RBFOX3: variants seen among roughly 807,000 people sequenced by gnomAD.
RBFOX3 encodes the protein RNA binding fox-1 homolog 3, also known as RNA binding protein fox-1 homolog 3.
RBFOX3 carries 17 observed loss-of-function variants against 48.7 expected under a neutral mutation model. The observed-to-expected ratio is 0.35, with a 90% CI of 0.24 to 0.52. The LOEUF (loss-of-function observed/expected upper bound fraction) is 0.52. Among genes scored for constraint, RBFOX3 ranks in the 20% least tolerant of loss-of-function variants. The pLI is 0.94. For synonymous variants in RBFOX3, 212 were observed against 209.5 expected, an observed-to-expected ratio of 1.01 and a Z score of -0.10; for missense variants, 382 against 497.5, an observed-to-expected ratio of 0.77 and a Z score of 2.21.
chr17:79,593,566 C>A (rs989606942), intron 1 of RBFOX3, among the ~76,000 whole-genome samples: 1 of 152,128 alleles, frequency 6.6e-6, no homozygotes, highest in Non-Finnish European at 1.5e-5. Flanking sequence ...CTGGGAACAC[C>A]GAGGGAGGAA....
intron 2 of RBFOX3, among the ~76,000 whole-genome samples, chr17:79,325,882 GA>G (rs982769268): frequency 6.6e-6 from 1 of 152,186 alleles, no homozygotes; most frequent in African/African-American, 2.4e-5. Flanking sequence ...AGCCTCCTAG[GA>G]AAAACCCACC....
At chr17:79,579,012 C>T (rs1375090750) in intron 1 of RBFOX3, among the ~76,000 whole-genome samples, 1 of 152,230 alleles carries the variant, frequency 6.6e-6, no homozygotes, top group Non-Finnish European at 1.5e-5. Flanking sequence ...GCCCCCTCAA[C>T]GTCCTGAGCA....
At chr17:79,519,329 AG>A (rs2085722666) in intron 1 of RBFOX3, among the ~76,000 whole-genome samples, 2 of 152,248 alleles carry the variant, frequency 1.3e-5, no homozygotes, top group African/African-American at 4.8e-5. Flanking sequence ...GAGACCTGCC[AG>A]TGACGGCAAG....
chr17:79,633,497 G>A, the RBFOX3 span, among the ~76,000 whole-genome samples: 1 of 152,342 alleles, frequency 6.6e-6, no homozygotes, highest in South Asian at 2.1e-4. Context: ...TCTCATGGAT[G>A]CACAGGTGAG....
chr17:79,446,354 G>A (rs1424095244), intron 2 of RBFOX3, among the ~76,000 whole-genome samples: 1 of 152,194 alleles, frequency 6.6e-6, no homozygotes, highest in Non-Finnish European at 1.5e-5. Flanking sequence ...CAGACCCCTG[G>A]TCAGACCTCA....
chr17:79,557,142 G>C (rs1283927371), intron 1 of RBFOX3, among the ~76,000 whole-genome samples: 1 of 151,192 alleles, frequency 6.6e-6, no homozygotes, highest in Non-Finnish European at 1.5e-5. Flanking sequence ...CTACTCGGGA[G>C]GCTGAAGCAG....
At chr17:79,569,252 C>T (rs1359917504) in intron 1 of RBFOX3, among the ~76,000 whole-genome samples, 2 of 152,146 alleles carry the variant, frequency 1.3e-5, no homozygotes, top group African/African-American at 4.8e-5. Flanking sequence ...CCACTCCCCC[C>T]AAGCCCTGGC....
the RBFOX3 span, among the ~76,000 whole-genome samples, chr17:79,645,753 G>A: frequency 1.3e-5 from 2 of 152,318 alleles, no homozygotes; most frequent in Admixed American, 6.5e-5. Context: ...GGCCAGGGCA[G>A]AAGGAGTGAA....
At chr17:79,227,826 G>A (rs999427212) in intron 4 of RBFOX3, among the ~76,000 whole-genome samples, 1 of 152,228 alleles carries the variant, frequency 6.6e-6, no homozygotes, top group African/African-American at 2.4e-5. Flanking sequence ...AGCTGGTAAT[G>A]CCAAGGCCAG....
rs530273358 is a variant in RBFOX3 at position 79,170,459 on chromosome 17, G to A, written c.-33-54711C>T. On this transcript the variant is annotated intron_variant, in intron 4 of 14. Transcript: ENST00000693108. ...GGTGTTTTCTCCATCAGGGAGCCAC[G>A]GCCTGGGGGCTCTTGAGGGCTGGGG... 8.5e-5 allele frequency among the ~76,000 whole-genome samples: 13 copies of A among 152,242 alleles called. No individual in the cohort carries two copies. The South Asian group carries it at 2.5e-3, about 29-fold the overall frequency.
At chr17:79,590,593 T>C (rs1345758986) in intron 1 of RBFOX3, among the ~76,000 whole-genome samples, 1 of 151,994 alleles carries the variant, frequency 6.6e-6, no homozygotes, top group Non-Finnish European at 1.5e-5. Flanking sequence ...TCTAGGGAAG[T>C]CCGCCTCCCA....
the RBFOX3 span, among the ~76,000 whole-genome samples, chr17:79,649,747 G>T: frequency 6.6e-6 from 1 of 152,168 alleles, no homozygotes; most frequent in African/African-American, 2.4e-5. Context: ...TTTTTAAGAG[G>T]TTTAATTGGC....
chr17:79,617,080 C>T, the RBFOX3 span, among the ~76,000 whole-genome samples: 1 of 152,150 alleles, frequency 6.6e-6, no homozygotes, highest in African/African-American at 2.4e-5. Context: ...TTCTCCTGAC[C>T]CTTTTTTCCT....
intron 2 of RBFOX3, among the ~76,000 whole-genome samples, chr17:79,427,970 G>C (rs7224791): frequency 0.68 from 103,078 of 152,206 alleles, 36,680 homozygotes; most frequent in Non-Finnish European, 0.79. Flanking sequence ...TGCTGGTTAC[G>C]GCTGGCACTT....
chr17:79,284,010 C>A (rs941537065), intron 3 of RBFOX3, among the ~76,000 whole-genome samples: 5 of 124,862 alleles, frequency 4.0e-5, no homozygotes, highest in African/African-American at 1.5e-4. Context: ...AATGGAGATG[C>A]CTTCTCCAGG....
intron 4 of RBFOX3, among the ~76,000 whole-genome samples, chr17:79,191,286 G>A (rs891430972): frequency 6.6e-6 from 1 of 152,184 alleles, no homozygotes; most frequent in African/African-American, 2.4e-5. Flanking sequence ...GGGGTACCCC[G>A]CACCCCAGGA....
In RBFOX3 at chr17:79,563,245, G is replaced by C. The variant is rs1054354150; in HGVS notation, c.-320+47581C>G. 3.5e-3 allele frequency among the ~76,000 whole-genome samples: 524 copies of C among 151,634 alleles called. 8 individuals are homozygous for C. Among genetic ancestry groups the C allele is most frequent in the African/African-American group, 0.012 (511 of 41,298 alleles). On this transcript the variant is annotated intron_variant, in intron 1 of 14. Coordinates refer to ENST00000693108, the MANE Select transcript of RBFOX3 (RefSeq NM_001350451.2). ...TGAAAAAAAAAAAACAAAAAAACAA[G>C]AATCTCTAAGGAATGTTCAATGAGA...
At chr17:79,092,507 G>C in intron 14 of RBFOX3, 2 of 986,284 alleles carry the variant, frequency 2.0e-6, no homozygotes, top group South Asian at 9.4e-5. Flanking sequence ...GGGGTGCACT[G>C]TCTTCTGGTG....
the RBFOX3 span, among the ~76,000 whole-genome samples, chr17:79,629,503 G>T: frequency 0.48 from 72,703 of 152,114 alleles, 20,806 homozygotes; most frequent in Non-Finnish European, 0.63. Context: ...AGTGCTTCAG[G>T]GGGTGCGGGG....
Sources: allele counts gnomAD v4.1 joint callset (sites outside exome capture counted in the v4.1 genomes callset), GRCh38; gene constraint gnomAD v4.1.1; transcripts MANE v1.5; gene names NCBI Gene and HGNC (gene_info 2026-07-23, HGNC 2026-07-21).